Variants in FAT4 observed in about 807,000 individuals in gnomAD.
The protein encoded by FAT4 is FAT atypical cadherin 4, also known as protocadherin Fat 4.
A neutral mutation model predicts 303.9 loss-of-function variants in FAT4; 84 were observed. That is an observed-to-expected ratio of 0.28 (90% CI 0.23 to 0.33). FAT4 has a LOEUF of 0.33. Among genes scored for constraint, FAT4 ranks in the 10% least tolerant of loss-of-function variants. The probability of loss-of-function intolerance (pLI) is 1.00; values close to 1 mark genes in which losing one functional copy is unlikely to be tolerated. For synonymous variants in FAT4, 2,307 were observed against 2,298.8 expected, an observed-to-expected ratio of 1.00 and a Z score of -0.10; for missense variants, 6,005 against 6,146.8, an observed-to-expected ratio of 0.98 and a Z score of 0.77.
chr4:125,465,536 G>A (rs1009055122), intron 11 of FAT4, among the ~76,000 whole-genome samples: 2 of 152,084 alleles, frequency 1.3e-5, no homozygotes, highest in African/African-American at 4.8e-5. Context: ...TAAGTTTTGA[G>A]GATTTTGAGT....
chr4:125,479,297 T>C (rs1385714374), intron 14 of FAT4, among the ~76,000 whole-genome samples: 3 of 152,188 alleles, frequency 2.0e-5, no homozygotes, highest in Non-Finnish European at 2.9e-5. Context: ...ACTTCCTCAG[T>C]ACACGGTTAT....
intron 16 of FAT4, among the ~76,000 whole-genome samples, chr4:125,485,493 G>C (rs188060941): frequency 6.6e-6 from 1 of 151,928 alleles, no homozygotes; most frequent in Non-Finnish European, 1.5e-5. Flanking sequence ...CCTACACAGG[G>C]TCAGTATCAT....
rs144768563 is a variant in FAT4, at chr4:125,319,813, A to T, written c.3402A>T (p.Glu1134Asp). 1.3e-3 allele frequency: 2,057 copies of T among 1,614,202 alleles called. 11 individuals are homozygous for T. Among genetic ancestry groups the T allele is most frequent in the Middle Eastern group, 7.3e-3 (44 of 6,062 alleles). The change falls in exon 2 of 18, where the codon GAA becomes GAT. Residue 1134 changes from glutamate (E) to aspartate (D), a missense_variant. Physicochemically the swap from Glu to Asp is conservative, Grantham distance 45. Transcript: ENST00000394329. The part of the protein sequence containing the change: ...AVDKDFGPNG[E>D]VRYSFEMVQP... ...ATAAAGACTTTGGGCCAAATGGAGA[A>T]GTAAGGTATTCTTTTGAAATGGTGC...
chr4:125,441,799 T>C (rs969395237), intron 8 of FAT4, among the ~76,000 whole-genome samples: 5 of 152,180 alleles, frequency 3.3e-5, no homozygotes, highest in African/African-American at 4.8e-5. Flanking sequence ...CTGCAACATA[T>C]GGCCAAAAGT....
chr4:125,357,770 T>C (rs1400047653), intron 2 of FAT4, among the ~76,000 whole-genome samples: 2 of 152,150 alleles, frequency 1.3e-5, no homozygotes, highest in African/African-American at 4.8e-5. Context: ...TACAAAGGGC[T>C]CAGACCTTCC....
rs778371059 is a variant in FAT4, at chr4:125,318,075, G to A, written c.1664G>A (p.Arg555Gln). ...CAGATTGTTCTGAATATAAGTGCCCGGGACCAGGGAGTTCACCCCAAGGTG... is the reference window on the plus strand; with the variant it reads ...CAGATTGTTCTGAATATAAGTGCCCAGGACCAGGGAGTTCACCCCAAGGTG... ...ASQIVLNISARDQGVHPKVSY... is the reference protein window; with the variant it reads ...ASQIVLNISAQDQGVHPKVSY... The change falls in exon 2 of 18, where the codon CGG becomes CAG. Residue 555 changes from arginine to glutamine, a missense_variant. By Grantham distance (43) the Arg-to-Gln change is conservative. Coordinates refer to ENST00000394329, the MANE Select transcript of FAT4 (RefSeq NM_001291303.3). The A allele has an allele frequency of 1.2e-6, 2 of 1,614,074 alleles. No homozygotes were observed. Among genetic ancestry groups the A allele is most frequent in the South Asian group, 1.1e-5 (1 of 91,070 alleles).
chr4:125,350,339 G>A (rs1220823258), intron 2 of FAT4, among the ~76,000 whole-genome samples: 1 of 151,528 alleles, frequency 6.6e-6, no homozygotes, highest in East Asian at 1.9e-4. Flanking sequence ...ATAGATTTTG[G>A]GTTGGCCTTA....
chr4:125,398,356 C>T (rs1217021501), intron 2 of FAT4, among the ~76,000 whole-genome samples: 1 of 151,966 alleles, frequency 6.6e-6, no homozygotes, highest in East Asian at 1.9e-4. Context: ...TTTTTATTTC[C>T]CCCAGACATT....
Position 125,415,859 on chromosome 4 carries a change from G to GA in FAT4, c.6843+57dup, listed in dbSNP as rs368249642. ...TGTCTTAATTATAAGACATCTATTT[G>GA]AAAACCTCCCCTCTTCTACAGCGTT... On this transcript the variant is annotated intron_variant, in intron 6 of 17. Coordinates refer to ENST00000394329, the MANE Select transcript of FAT4 (RefSeq NM_001291303.3). 176 of 1,352,774 alleles carry GA rather than the reference G, an allele frequency of 1.3e-4. No individual in the cohort carries two copies. In the African/African-American group the frequency reaches 2.4e-3, roughly 18 times the overall value. 83.8% of individuals were successfully genotyped at this position (1,352,774 alleles called of 1,614,324 possible).
intron 8 of FAT4, among the ~76,000 whole-genome samples, chr4:125,442,087 A>T (rs1446313434): frequency 2.6e-5 from 4 of 152,184 alleles, no homozygotes; most frequent in Non-Finnish European, 5.9e-5. Context: ...ATATCTTTAC[A>T]ATCTGGCCCA....
At chr4:125,357,784 TA>T (rs1337804467) in intron 2 of FAT4, among the ~76,000 whole-genome samples, 1 of 152,074 alleles carries the variant, frequency 6.6e-6, no homozygotes, top group African/African-American at 2.4e-5. Context: ...ACCTTCCTCC[TA>T]GGGGGTTGTC....
chr4:125,429,706 G>C, intron 7 of FAT4, among the ~76,000 whole-genome samples: 1 of 152,078 alleles, frequency 6.6e-6, no homozygotes, highest in South Asian at 2.1e-4. Context: ...GTATGTATAT[G>C]CACCTATATT....
rs986048629 is a variant in FAT4, at chr4:125,348,390, C to G, written c.5175+26804C>G. 9.9e-5 allele frequency among the ~76,000 whole-genome samples: 15 copies of G among 151,720 alleles called. No individual in the cohort carries two copies. In the South Asian group the frequency reaches 1.2e-3, roughly 13 times the overall value. On this transcript the variant is annotated intron_variant, in intron 2 of 17. Transcript: ENST00000394329. ...TGAAGTTTTTTATGTAGGGTGTAAA[C>G]TTCAGAAAGTTGAAGGATCCTTTCT... is the stretch of plus-strand genomic sequence containing the variant.
chr4:125,444,666 T>C (rs1169134496), intron 8 of FAT4, among the ~76,000 whole-genome samples: 1 of 2,130 alleles, frequency 4.7e-4, no homozygotes, highest in African/African-American at 5.2e-4. Flanking sequence ...GATGAAAATT[T>C]ATGTTTTTTA....
rs1031885916 is a variant in FAT4, at chr4:125,400,711, A to T, written c.5307+1796A>T. 1.4e-3 allele frequency among the ~76,000 whole-genome samples: 6 copies of T among 4,426 alleles called. No individual in the cohort carries two copies. The Admixed American group carries it at 0.016, about 11-fold the overall frequency. 2.9% of individuals were successfully genotyped at this position (4,426 alleles called of 152,430 possible). A position where few individuals can be genotyped will look rare whatever the true frequency, so the allele number is the denominator to read the frequency against. Reference sequence around the variant, plus strand: ...TTATTTCTACTGAGCTTTGTTTTTTAAGTTTAAAAAAAAATGTAAGTAACC... The same window carrying T: ...TTATTTCTACTGAGCTTTGTTTTTTTAGTTTAAAAAAAAATGTAAGTAACC... On this transcript the variant is annotated intron_variant, in intron 3 of 17. Transcript: ENST00000394329.
rs1214657782 is a variant in FAT4 at position 125,416,435 on chromosome 4, T to C, written c.6844-13T>C. The stretch of plus-strand genomic sequence containing the variant: ...TTTGTTTTACTCACATCTTGGTATG[T>C]ACTGTTCTACAGGTGGTGGCAAGAG... On this transcript the variant is annotated splice_polypyrimidine_tract_variant and intron_variant, in intron 6 of 17. Coordinates refer to ENST00000394329, the MANE Select transcript of FAT4 (RefSeq NM_001291303.3). 5 of 1,611,026 alleles carry C rather than the reference T, an allele frequency of 3.1e-6. No homozygotes were observed. The African/African-American group carries it at 6.7e-5, about 22-fold the overall frequency.
At chr4:125,356,537 G>GTTTTTTT (rs1432744389) in intron 2 of FAT4, among the ~76,000 whole-genome samples, 1 of 118,730 alleles carries the variant, frequency 8.4e-6, no homozygotes, top group African/African-American at 3.1e-5. Flanking sequence ...GATATAGGGT[G>GTTTTTTT]TTTTGTTTTT....
chr4:125,386,058 T>C (rs545852756), intron 2 of FAT4, among the ~76,000 whole-genome samples: 95 of 152,312 alleles, frequency 6.2e-4, no homozygotes, highest in Admixed American at 3.4e-3. Context: ...CTTAGGACTT[T>C]CATTACTCAA....
intron 2 of FAT4, among the ~76,000 whole-genome samples, chr4:125,322,105 A>G (rs1015506913): frequency 1.3e-5 from 2 of 152,210 alleles, no homozygotes; most frequent in African/African-American, 2.4e-5. Flanking sequence ...CAGTTTCTTT[A>G]TAGACAGTGA....
Sources: allele counts gnomAD v4.1 joint callset (sites outside exome capture counted in the v4.1 genomes callset), GRCh38; gene constraint gnomAD v4.1.1; transcripts MANE v1.5; gene names NCBI Gene and HGNC (gene_info 2026-07-23, HGNC 2026-07-21).